Variants in NLRP6 observed in about 807,000 individuals in gnomAD.
NLRP6 encodes NLR family pyrin domain containing 6.
NLRP6 carries 55 observed loss-of-function variants against 70.9 expected under a neutral mutation model. That is an observed-to-expected ratio of 0.78 (90% confidence interval 0.62 to 0.97). The LOEUF is 0.97. Ranked by LOEUF, NLRP6 falls within the 50% of genes least tolerant of loss-of-function variation. The pLI, the probability that NLRP6 is intolerant of heterozygous loss-of-function variation, is 0.00. For missense variants in NLRP6, 1,241 were observed against 1,238.3 expected (o/e 1.00, Z -0.03); for synonymous variants, 652 against 581.9 (o/e 1.12, Z -1.73).
intron 1 of NLRP6, 33 bp from the exon 2 acceptor site, chr11:279,294 G>A: frequency 8.5e-7 from 1 of 1,171,950 alleles, no homozygotes; most frequent in Non-Finnish European, 1.1e-6. Flanking sequence ...CCCGAGGGCC[G>A]CTCCCCGATG....
At position 284,457 on chromosome 11, in the gene NLRP6, A is replaced by T. The variant is rs1363955238; in HGVS notation, c.2370-18A>T. 4 of 1,608,132 alleles carry T rather than the reference A, an allele frequency of 2.5e-6. No homozygotes were observed. The highest frequency in any genetic ancestry group is 3.4e-6 in the Non-Finnish European group (4 of 1,176,322). On this transcript the variant is annotated intron_variant, in intron 6 of 7. Transcript: ENST00000534750. ...GCCCCCGCCACCCCAGCAGCTCCTGAGGTCGGCCCTCCCACAGGGTACAGC... is the reference window on the plus strand; with the variant it reads ...GCCCCCGCCACCCCAGCAGCTCCTGTGGTCGGCCCTCCCACAGGGTACAGC...
rs199625959 is a variant in NLRP6, at chr11:284,606, T to A, written c.2501T>A (p.Val834Asp). 1.4e-4 allele frequency: 225 copies of A among 1,610,692 alleles called. No homozygotes were observed. Among genetic ancestry groups the A allele is most frequent in the Non-Finnish European group, 1.6e-4 (192 of 1,179,730 alleles). ...PAPMVTYLCA[V>D]LQHQGCGLQT... ...CCCATGGTGACCTACCTGTGTGCAGTCCTGCAGCACCAGGGATGCGGCCTG... is the reference window on the plus strand; with the variant it reads ...CCCATGGTGACCTACCTGTGTGCAGACCTGCAGCACCAGGGATGCGGCCTG... The change falls in exon 7 of 8, where the codon GTC (valine) becomes GAC (aspartate). Residue 834 changes from valine to aspartate, a missense_variant. Val to Asp is a radical substitution (Grantham distance 152). Transcript: ENST00000534750.
chr11:284,049 C>A (rs1043229541), intron 5 of NLRP6, among the ~76,000 whole-genome samples, 181 bp from the exon 6 acceptor site: 4 of 152,128 alleles, frequency 2.6e-5, no homozygotes, highest in African/African-American at 7.2e-5. Flanking sequence ...ATGAACACAG[C>A]TCCCCGGGGG....
At position 280,248 on chromosome 11, in the gene NLRP6, G is replaced by A. The variant is rs570273096; in HGVS notation, c.514G>A (p.Gly172Arg). The stretch of plus-strand genomic sequence containing the variant: ...GGGGCCCGCGGAAGAGCCTGAGCCG[G>A]GGCGCGCGCGGCGCTCGGACACGCA... Reference protein sequence around the residue: ...AMGPAEEPEPGRARRSDTHTF... With the variant: ...AMGPAEEPEPRRARRSDTHTF... Residue 172 changes from glycine (G) to arginine (R), a missense_variant, in exon 4 of 8, where the codon GGG (glycine) becomes AGG (arginine). Transcript: ENST00000534750. 2.0e-6 allele frequency: 3 copies of A among 1,528,118 alleles called. No homozygotes were observed. Among genetic ancestry groups the A allele is most frequent in the African/African-American group, 2.8e-5 (2 of 70,730 alleles). 94.7% of individuals were successfully genotyped at this position (1,528,118 alleles called of 1,614,324 possible). A position where few individuals can be genotyped will look rare whatever the true frequency, so the allele number is the denominator to read the frequency against.
chr11:280,171 G>T lies in NLRP6; in HGVS notation c.437G>T (p.Arg146Leu). 6.5e-7 allele frequency: 1 copy of T among 1,550,008 alleles called. No individual in the cohort carries two copies. Among genetic ancestry groups the T allele is most frequent in the Non-Finnish European group, 8.7e-7 (1 of 1,147,282 alleles). Reference protein sequence around the residue: ...RNARSVKITKRFTKLLIAPES... With the variant: ...RNARSVKITKLFTKLLIAPES... ...GCCCGCTCCGTGAAGATCACCAAGC[G>T]CTTCACCAAGCTGCTCATCGCGCCC... The change falls in exon 4 of 8, where the codon CGC becomes CTC. Residue 146 changes from arginine (R) to leucine (L), a missense_variant. Coordinates refer to ENST00000534750, the MANE Select transcript of NLRP6 (RefSeq NM_001276700.2).
rs1845458368 is a variant in NLRP6 at position 280,631 on chromosome 11, C to A, written c.897C>A (p.Phe299Leu). 1 of 1,499,568 alleles carries A rather than the reference C, an allele frequency of 6.7e-7. No homozygotes were observed. The highest frequency in any genetic ancestry group is 2.6e-5 in the East Asian group (1 of 38,472). The allele number at this position is 1,499,568 out of a possible 1,614,324, so 92.9% of individuals were successfully genotyped here. ...GPEAAPCTDPFEAASGARVLG... is the reference protein window; with the variant it reads ...GPEAAPCTDPLEAASGARVLG... ...AGGCCGCGCCCTGCACAGACCCCTT[C>A]GAGGCGGCGAGCGGCGCGCGGGTGC... Residue 299 changes from phenylalanine (F) to leucine (L), a missense_variant, in exon 4 of 8, where the codon TTC becomes TTA. Phe to Leu is a conservative substitution (Grantham distance 22). Coordinates refer to ENST00000534750, the MANE Select transcript of NLRP6 (RefSeq NM_001276700.2).
chr11:280,472 G>A lies in NLRP6; in HGVS notation c.738G>A (p.Thr246=), dbSNP rs1205541502. 3 of 1,592,374 alleles carry A rather than the reference G, an allele frequency of 1.9e-6. No individual in the cohort carries two copies. Among genetic ancestry groups the A allele is most frequent in the Non-Finnish European group, 2.5e-6 (3 of 1,177,714 alleles). Residue 246 remains threonine, a synonymous_variant, in exon 4 of 8, where the codon ACG becomes ACA. Coordinates refer to ENST00000534750, the MANE Select transcript of NLRP6 (RefSeq NM_001276700.2). ...GCGAGCTGCTGGAGAGGCCGGGCAC[G>A]CGCAGCCTGGCTGACCTGATCCTGG... ...PCGELLERPG[T]RSLADLILDQ... is the part of the protein sequence containing the mutation.
rs560670092 is a variant in NLRP6, at chr11:278,463, G to C, written c.-107G>C. The C allele has an allele frequency of 1.7e-5, 16 of 929,662 alleles. No homozygotes were observed. In the Admixed American group the frequency reaches 1.8e-4, roughly 10 times the overall value. The allele number at this position is 929,662 out of a possible 1,614,324, so 57.6% of individuals were successfully genotyped here. ...GGTGTGTGGACCCGGGGAATGGACC[G>C]GGCTGGACAACCTCTAAGACTTGGC... On this transcript the variant is annotated 5_prime_UTR_variant, in exon 1 of 8. Coordinates refer to ENST00000534750, the MANE Select transcript of NLRP6 (RefSeq NM_001276700.2). The surrounding 1 kb of genome is among the most constrained non-coding windows in gnomAD (Gnocchi z 4.7).
chr11:281,177 C>T lies in NLRP6; in HGVS notation c.1443C>T (p.Ser481=). ...CCAAAGTGCAGACGCTGTTTCTCAG[C>T]AAAAAGGAGCTGCCGGGCGTGCTGG... is the stretch of plus-strand genomic sequence containing the variant. ...RGSKVQTLFL[S]KKELPGVLET... The change falls in exon 4 of 8, where the codon AGC becomes AGT. Residue 481 remains serine, a synonymous_variant. Transcript: ENST00000534750. 1.9e-6 allele frequency: 3 copies of T among 1,613,176 alleles called. No homozygotes were observed. The highest frequency in any genetic ancestry group is 1.1e-5 in the South Asian group (1 of 91,086).
chr11:281,806 G>A lies in NLRP6; in HGVS notation c.2072G>A (p.Gly691Glu). The A allele has an allele frequency of 6.3e-7, 1 of 1,593,290 alleles. No individual in the cohort carries two copies. Among genetic ancestry groups the A allele is most frequent in the Non-Finnish European group, 8.5e-7 (1 of 1,173,216 alleles). Reference protein sequence around the residue: ...AAQEKKKKSLGKRLQASLGGG... With the variant: ...AAQEKKKKSLEKRLQASLGGG... ...CAGGAGAAGAAGAAGAAGAGCCTGG[G>A]GAAGCGGCTCCAGGCCAGCCTGGGT... is the stretch of plus-strand genomic sequence containing the variant. The change falls in exon 4 of 8, where the codon GGG becomes GAG. Residue 691 changes from glycine (G) to glutamate (E), a missense_variant. By Grantham distance (98) the Gly-to-Glu change is moderately conservative (BLOSUM62 -2). Coordinates refer to ENST00000534750, the MANE Select transcript of NLRP6 (RefSeq NM_001276700.2).
In NLRP6 at chr11:284,655, G is replaced by T; in HGVS notation, c.2537+13G>T. On this transcript the variant is annotated intron_variant, in intron 7 of 7. Transcript: ENST00000534750. ...TGCAGACCCTCAGGTGGAGGCAGGG[G>T]TGGGAAGGGTGCTGGGGACACAGCC... The T allele has an allele frequency of 6.3e-7, 1 of 1,593,198 alleles. No individual in the cohort carries two copies. The highest frequency in any genetic ancestry group is 8.5e-7 in the Non-Finnish European group (1 of 1,173,908).
intron 4 of NLRP6, 21 bp from the exon 5 acceptor site, chr11:282,684 C>T (rs769656131): frequency 6.3e-7 from 1 of 1,598,432 alleles, no homozygotes; most frequent in Non-Finnish European, 8.6e-7. Flanking sequence ...GTGGGCTTCA[C>T]CTTCCTCTCT....
At position 280,479 on chromosome 11, in the gene NLRP6, C is replaced by A; in HGVS notation, c.745C>A (p.Leu249Met). The change falls in exon 4 of 8, where the codon CTG becomes ATG. Residue 249 changes from leucine to methionine, a missense_variant. Coordinates refer to ENST00000534750, the MANE Select transcript of NLRP6 (RefSeq NM_001276700.2). The stretch of plus-strand genomic sequence containing the variant: ...GCTGGAGAGGCCGGGCACGCGCAGC[C>A]TGGCTGACCTGATCCTGGACCAGTG... ...ELLERPGTRS[L>M]ADLILDQCPD... is the part of the protein sequence containing the mutation. 1.3e-6 allele frequency: 2 copies of A among 1,592,012 alleles called. No homozygotes were observed. Among genetic ancestry groups the A allele is most frequent in the Non-Finnish European group, 1.7e-6 (2 of 1,177,644 alleles).
rs116081663 is a variant in NLRP6 at position 281,283 on chromosome 11, G to A, written c.1549G>A (p.Gly517Arg). 4.7e-4 allele frequency: 763 copies of A among 1,609,780 alleles called. 3 individuals are homozygous for A. In the African/African-American group the frequency reaches 9.1e-3, roughly 19 times the overall value. The change falls in exon 4 of 8, where the codon GGG becomes AGG. Residue 517 changes from glycine to arginine, a missense_variant. By Grantham distance (125) the Gly-to-Arg change is moderately radical (BLOSUM62 -2). Transcript: ENST00000534750. ...ACTGTCCTACCTGCTGGAGGACGGCGGGGTGCCCAGGACCGCGGCTGGCGG... is the reference window on the plus strand; with the variant it reads ...ACTGTCCTACCTGCTGGAGGACGGCAGGGTGCCCAGGACCGCGGCTGGCGG... The part of the protein sequence containing the change: ...AALSYLLEDG[G>R]VPRTAAGGVG...
Position 278,977 on chromosome 11 carries a change from C to G in NLRP6, c.30-350C>G, listed in dbSNP as rs1343595928. 2 of 347,772 alleles carry G rather than the reference C, an allele frequency of 5.8e-6. No homozygotes were observed. The highest frequency in any genetic ancestry group is 4.2e-5 in the African/African-American group (2 of 47,334). The allele number at this position is 347,772 out of a possible 1,614,324, so 21.5% of individuals were successfully genotyped here. A position where few individuals can be genotyped will look rare whatever the true frequency, so the allele number is the denominator to read the frequency against. ...GAGAGCTCAGGGTTCCTTGGAAATA[C>G]CTCCCTCGGGGCATGTGACCTGTCC... is the stretch of plus-strand genomic sequence containing the variant. On this transcript the variant is annotated intron_variant, in intron 1 of 7. Transcript: ENST00000534750. The surrounding 1 kb of genome is among the most constrained non-coding windows in gnomAD (Gnocchi z 4.7).
Position 280,999 on chromosome 11 carries a change from T to TCATC in NLRP6, c.1266_1269dup (p.Thr424HisfsTer302), listed in dbSNP as rs1473858247. On this transcript the variant is annotated frameshift_variant, in exon 4 of 8. Coordinates refer to ENST00000534750, the MANE Select transcript of NLRP6 (RefSeq NM_001276700.2). LOFTEE classifies it high-confidence loss of function. ...ACCACCACGTCAGTGTACCTGCTTT[T>TCATC]CATCACCAGCGTTCTGAGCTCGGCT... The TCATC allele has an allele frequency of 6.2e-7, 1 of 1,613,010 alleles. No homozygotes were observed. The highest frequency in any genetic ancestry group is 8.5e-7 in the Non-Finnish European group (1 of 1,179,992).
Position 278,681 on chromosome 11 carries a change from A to C in NLRP6, c.29+83A>C, listed in dbSNP as rs1845423083. ...CTCCACCTCACCCGCTGACTTCCTCAGGCTCTCCACCCTTGTCCACATCCT... is the reference window on the plus strand; with the variant it reads ...CTCCACCTCACCCGCTGACTTCCTCCGGCTCTCCACCCTTGTCCACATCCT... On this transcript the variant is annotated intron_variant, in intron 1 of 7. Transcript: ENST00000534750. The surrounding 1 kb of genome is among the most constrained non-coding windows in gnomAD (Gnocchi z 4.7). The C allele has an allele frequency of 5.3e-6, 6 of 1,129,188 alleles. No individual in the cohort carries two copies. The highest frequency in any genetic ancestry group is 2.5e-6 in the Non-Finnish European group (2 of 791,530). 69.9% of individuals were successfully genotyped at this position (1,129,188 alleles called of 1,614,324 possible).
At chr11:283,679 G>A (rs1250050097) in intron 5 of NLRP6, among the ~76,000 whole-genome samples, 1 of 152,156 alleles carries the variant, frequency 6.6e-6, no homozygotes, top group Non-Finnish European at 1.5e-5. Flanking sequence ...TGAGCAGAAA[G>A]GAAGAGGAAA....
chr11:280,344 G>A lies in NLRP6; in HGVS notation c.610G>A (p.Ala204Thr), dbSNP rs1371690916. 4.6e-6 allele frequency: 7 copies of A among 1,522,084 alleles called. No homozygotes were observed. The highest frequency in any genetic ancestry group is 6.2e-6 in the Non-Finnish European group (7 of 1,137,348). The allele number at this position is 1,522,084 out of a possible 1,614,324, so 94.3% of individuals were successfully genotyped here. A position where few individuals can be genotyped will look rare whatever the true frequency, so the allele number is the denominator to read the frequency against. Residue 204 changes from alanine to threonine, a missense_variant, in exon 4 of 8, where the codon GCG becomes ACG. Coordinates refer to ENST00000534750, the MANE Select transcript of NLRP6 (RefSeq NM_001276700.2). The part of the protein sequence containing the change: ...RPLTVVLQGP[A>T]GIGKTMAAKK... ...GCTGACCGTGGTGCTGCAGGGCCCG[G>A]CGGGCATCGGCAAGACCATGGCGGC... is the stretch of plus-strand genomic sequence containing the variant.
Sources: allele counts gnomAD v4.1 joint callset (sites outside exome capture counted in the v4.1 genomes callset), GRCh38; gene constraint gnomAD v4.1.1; non-coding constraint Gnocchi (gnomAD v3.1); transcripts MANE v1.5; gene names NCBI Gene and HGNC (gene_info 2026-07-23, HGNC 2026-07-21).